PTPRZ1: variants seen among roughly 807,000 people sequenced by gnomAD.
The protein encoded by PTPRZ1 is receptor-type tyrosine-protein phosphatase zeta.
Under a neutral mutation model 214.1 loss-of-function variants are expected in PTPRZ1, and 82 were observed. The observed-to-expected ratio is 0.38, with a 90% CI of 0.32 to 0.46. The LOEUF is 0.46. Among genes scored for constraint, PTPRZ1 ranks in the 20% least tolerant of loss-of-function variants. PTPRZ1 has a pLI of 1.00. For missense variants in PTPRZ1, 2,603 were observed against 2,748.7 expected, an observed-to-expected ratio of 0.95 and a Z score of 1.19; for synonymous variants, 945 against 987.9, an observed-to-expected ratio of 0.96 and a Z score of 0.81.
At chr7:121,911,399 A>T (rs1795272546) in intron 1 of PTPRZ1, among the ~76,000 whole-genome samples, 1 of 152,108 alleles carries the variant, frequency 6.6e-6, no homozygotes, top group Non-Finnish European at 1.5e-5. Flanking sequence ...ATCTGATTGC[A>T]CTGTAACTGG....
chr7:122,002,207 G>C (rs1466998290), intron 10 of PTPRZ1, among the ~76,000 whole-genome samples: 1 of 152,292 alleles, frequency 6.6e-6, no homozygotes, highest in African/African-American at 2.4e-5. Flanking sequence ...TGGATTCTAA[G>C]AAATAGAGGT....
At chr7:122,048,088 G>A (rs917914305) in intron 23 of PTPRZ1, among the ~76,000 whole-genome samples, 1 of 151,910 alleles carries the variant, frequency 6.6e-6, no homozygotes, top group Non-Finnish European at 1.5e-5. Flanking sequence ...ACAGTGAAAG[G>A]TTTCCATAAA....
intron 10 of PTPRZ1, among the ~76,000 whole-genome samples, chr7:121,999,840 A>G (rs888815814): frequency 6.6e-6 from 1 of 152,136 alleles, no homozygotes. Flanking sequence ...CACAAAGTAT[A>G]ATATTCTTCT....
chr7:122,042,774 T>A (rs766527346), intron 22 of PTPRZ1, 31 bp downstream of exon 22: 4 of 1,587,472 alleles, frequency 2.5e-6, no homozygotes, highest in Non-Finnish European at 3.5e-6. Flanking sequence ...ATTTTATTCA[T>A]CTAAGGTATG....
intron 1 of PTPRZ1, among the ~76,000 whole-genome samples, chr7:121,920,475 TTTAA>T (rs1388018838): frequency 6.6e-6 from 1 of 152,192 alleles, no homozygotes; most frequent in Non-Finnish European, 1.5e-5. Context: ...AGCTCGTTCC[TTTAA>T]TTGTTATTTG....
chr7:122,019,323 A>G (rs1798946377), intron 13 of PTPRZ1, 55 bp downstream of exon 13: 2 of 1,519,456 alleles, frequency 1.3e-6, no homozygotes, highest in Non-Finnish European at 1.8e-6. Flanking sequence ...GATTTTGCCC[A>G]TATTTCATCT....
intron 28 of PTPRZ1, 75 bp from the exon 29 acceptor site, chr7:122,059,678 A>G: frequency 2.0e-6 from 3 of 1,495,662 alleles, no homozygotes; most frequent in Non-Finnish European, 1.8e-6. Context: ...TCAAGGCTAT[A>G]TGCTTTGTGA....
intron 1 of PTPRZ1, chr7:121,908,365 A>C: frequency 8.2e-6 from 2 of 243,428 alleles, no homozygotes; most frequent in Non-Finnish European, 1.6e-5. Context: ...ATCCCTTTGG[A>C]AAAGAATATC....
At chr7:122,057,832 T>C (rs1482194624) in intron 27 of PTPRZ1, among the ~76,000 whole-genome samples, 2 of 151,912 alleles carry the variant, frequency 1.3e-5, no homozygotes, top group East Asian at 3.9e-4. Flanking sequence ...CCACCTGAAA[T>C]TGACTTTTTG....
intron 19 of PTPRZ1, 111 bp downstream of exon 19, chr7:122,039,000 G>T: frequency 1.7e-6 from 2 of 1,196,898 alleles, no homozygotes; most frequent in Non-Finnish European, 2.4e-6. Flanking sequence ...AGTTATTTGG[G>T]ATTCTTTTTT....
intron 2 of PTPRZ1, among the ~76,000 whole-genome samples, chr7:121,937,502 C>T (rs12056133): frequency 0.041 from 5,989 of 147,724 alleles, 134 homozygotes; most frequent in East Asian, 0.086. Flanking sequence ...GTCCTGGAAA[C>T]AACAGAGCCC....
chr7:122,059,427 CATTAT>C (rs1319927362), intron 28 of PTPRZ1: 3 of 181,362 alleles, frequency 1.7e-5, no homozygotes, highest in South Asian at 1.6e-4. Context: ...TGTATTTATA[CATTAT>C]ATTATATGTG....
intron 11 of PTPRZ1, among the ~76,000 whole-genome samples, chr7:122,009,767 G>C (rs1309907745): frequency 1.3e-5 from 2 of 151,916 alleles, no homozygotes; most frequent in Non-Finnish European, 2.9e-5. Context: ...ATCTGCCTAA[G>C]TCTTAAGTGG....
chr7:121,883,153 A>G (rs1054173010), intron 1 of PTPRZ1, among the ~76,000 whole-genome samples: 7 of 152,240 alleles, frequency 4.6e-5, no homozygotes, highest in Non-Finnish European at 1.5e-5. Flanking sequence ...TGTTAAGACA[A>G]GGCAGTAATT....
At chr7:122,024,011 A>G (rs77976635) in intron 13 of PTPRZ1, among the ~76,000 whole-genome samples, 1,867 of 151,640 alleles carry the variant, frequency 0.012, 37 homozygotes, top group African/African-American at 0.042. Context: ...CACTTTTTTC[A>G]TCATGCCTGA....
rs760197226 is a variant in PTPRZ1, at chr7:122,054,951, A to T, written c.6392A>T (p.Glu2131Val). Residue 2131 changes from glutamate (E) to valine (V), a missense_variant, in exon 27 of 30, where the codon GAA (glutamate) becomes GTA (valine). Physicochemically the swap from Glu to Val is moderately radical, Grantham distance 121. Transcript: ENST00000393386. ...TTTGCAATTCTGCAGGCAGAAGATG[A>T]ATTTGTTTACTGGCCAAATAAAGAT... ...IPDGQNMAED[E>V]FVYWPNKDEP... 1.3e-6 allele frequency: 2 copies of T among 1,598,342 alleles called. No homozygotes were observed. The highest frequency in any genetic ancestry group is 3.5e-5 in the Admixed American group (2 of 56,990).
At chr7:121,906,424 A>G (rs571191688) in intron 1 of PTPRZ1, among the ~76,000 whole-genome samples, 7 of 152,182 alleles carry the variant, frequency 4.6e-5, no homozygotes, top group African/African-American at 1.7e-4. Flanking sequence ...CTAATGTACT[A>G]AAGGCTAAAT....
chr7:121,947,132 T>G (rs1239021533), intron 2 of PTPRZ1, among the ~76,000 whole-genome samples: 2 of 152,150 alleles, frequency 1.3e-5, no homozygotes, highest in African/African-American at 2.4e-5. Context: ...AGGAAAATAT[T>G]CTTGTCCTTA....
intron 1 of PTPRZ1, among the ~76,000 whole-genome samples, chr7:121,927,895 T>C (rs1795811099): frequency 6.6e-6 from 1 of 152,220 alleles, no homozygotes; most frequent in Non-Finnish European, 1.5e-5. Context: ...AGCTGCTCTT[T>C]CATTACCTAA....
Sources: allele counts gnomAD v4.1 joint callset (sites outside exome capture counted in the v4.1 genomes callset), GRCh38; gene constraint gnomAD v4.1.1; transcripts MANE v1.5; gene names NCBI Gene and HGNC (gene_info 2026-07-23, HGNC 2026-07-21).